The following KDM7A variants were observed in gnomAD, a reference collection of about 807,000 sequenced individuals.
The protein encoded by KDM7A is lysine demethylase 7A, also known as lysine-specific demethylase 7A.
A neutral mutation model predicts 114.8 loss-of-function variants in KDM7A; 28 were observed. That is an observed-to-expected ratio of 0.24 (90% CI 0.18 to 0.33). The LOEUF (loss-of-function observed/expected upper bound fraction) is 0.33, where lower values mean the gene tolerates loss of function less well. Among genes scored for constraint, KDM7A ranks in the 10% least tolerant of loss-of-function variants. The pLI is 1.00. For synonymous variants in KDM7A, 423 were observed against 397.8 expected, an observed-to-expected ratio of 1.06 and a Z score of -0.75; for missense variants, 942 against 1,142.5, an observed-to-expected ratio of 0.82 and a Z score of 2.53.
rs1794709429 is a variant in KDM7A, at chr7:140,176,445, C to T, written c.194+299G>A. Among the ~76,000 whole-genome samples the T allele has an allele frequency of 6.8e-6, 1 of 146,054 alleles. No homozygotes were observed. The highest frequency in any genetic ancestry group is 2.0e-4 in the East Asian group (1 of 4,972). ...GACGCCCCCGCCGCGCCCGCCCGGC[C>T]GCGTCCCCTCGCCCCAGGCTCCCCC... is the stretch of plus-strand genomic sequence containing the variant. On this transcript the variant is annotated intron_variant, in intron 1 of 19. Transcript: ENST00000397560. The surrounding 1 kb of genome is among the most constrained non-coding windows in gnomAD (Gnocchi z 4.4).
At chr7:140,131,453 T>C (rs1019418078) in intron 3 of KDM7A, among the ~76,000 whole-genome samples, 3 of 152,198 alleles carry the variant, frequency 2.0e-5, no homozygotes, top group African/African-American at 7.2e-5. Flanking sequence ...GCTGCCTAGG[T>C]AGCAAGAAGA....
chr7:140,086,126 G>A lies in KDM7A; in HGVS notation c.*4968C>T, dbSNP rs1817920429. On this transcript the variant is annotated 3_prime_UTR_variant, in exon 20 of 20. Coordinates refer to ENST00000397560, the MANE Select transcript of KDM7A (RefSeq NM_030647.2). ...ATTTATGACTACTTTCTGAAAGAAA[G>A]AGAAGTGAATTCAGAGTGTCACAGG... The A allele has an allele frequency of 1.3e-5, 2 of 152,194 alleles. No homozygotes were observed. The highest frequency in any genetic ancestry group is 2.4e-5 in the African/African-American group (1 of 41,444). 9.4% of individuals were successfully genotyped at this position (152,194 alleles called of 1,614,324 possible). A position where few individuals can be genotyped will look rare whatever the true frequency, so the allele number is the denominator to read the frequency against.
intron 18 of KDM7A, among the ~76,000 whole-genome samples, chr7:140,093,062 G>C (rs1252394072): frequency 6.6e-6 from 1 of 151,950 alleles, no homozygotes; most frequent in Non-Finnish European, 1.5e-5. Context: ...ATATAGACAA[G>C]CCAAATTTAA....
intron 6 of KDM7A, 35 bp downstream of exon 6, chr7:140,126,602 T>C (rs749817198): frequency 1.4e-6 from 2 of 1,403,226 alleles, no homozygotes; most frequent in Non-Finnish European, 9.7e-7. Context: ...TATATGTTTT[T>C]GTCAGTGAGA....
rs1271589760 is a variant in KDM7A, at chr7:140,090,867, CTT to C, written c.*225_*226del. 2 of 490,162 alleles carry C rather than the reference CTT, an allele frequency of 4.1e-6. No individual in the cohort carries two copies. The highest frequency in any genetic ancestry group is 7.3e-6 in the Non-Finnish European group (2 of 274,934). 30.4% of individuals were successfully genotyped at this position (490,162 alleles called of 1,614,324 possible). On this transcript the variant is annotated 3_prime_UTR_variant, in exon 20 of 20. Coordinates refer to ENST00000397560, the MANE Select transcript of KDM7A (RefSeq NM_030647.2). ...AGAGACCCTTTCCAGTTCAAGGTCT[CTT>C]TTTAAGGTTCTACCCTCCTTCTTCC...
Position 140,090,536 on chromosome 7 carries a change from A to C in KDM7A, c.*558T>G, listed in dbSNP as rs1419389326. On this transcript the variant is annotated 3_prime_UTR_variant, in exon 20 of 20. Coordinates refer to ENST00000397560, the MANE Select transcript of KDM7A (RefSeq NM_030647.2). ...TAATTTAAAATAATTAATGCATCAA[A>C]TCCCTGTTTAAGACTTTAACCTGAA... 6.6e-6 allele frequency: 1 copy of C among 152,176 alleles called. No homozygotes were observed. The highest frequency in any genetic ancestry group is 1.5e-5 in the Non-Finnish European group (1 of 68,048). 9.4% of individuals were successfully genotyped at this position (152,176 alleles called of 1,614,324 possible). A position where few individuals can be genotyped will look rare whatever the true frequency, so the allele number is the denominator to read the frequency against.
At chr7:140,174,524 G>A (rs192195765) in intron 1 of KDM7A, among the ~76,000 whole-genome samples, 5 of 152,292 alleles carry the variant, frequency 3.3e-5, no homozygotes, top group Admixed American at 3.3e-4. Flanking sequence ...AGTGTTAAGT[G>A]ACCTAAATTA....
intron 1 of KDM7A, among the ~76,000 whole-genome samples, chr7:140,164,199 G>A (rs746038607): frequency 5.9e-5 from 9 of 152,114 alleles, no homozygotes; most frequent in Non-Finnish European, 1.0e-4. Context: ...GGATGTAATC[G>A]GCAAAATCCA....
At chr7:140,119,006 G>A (rs975504016) in intron 9 of KDM7A, 107 bp downstream of exon 9, 12 of 601,910 alleles carry the variant, frequency 2.0e-5, no homozygotes, top group Non-Finnish European at 3.2e-5. Context: ...AAATAGGAGT[G>A]ACATCCATAC....
At position 140,111,128 on chromosome 7, in the gene KDM7A, A is replaced by T; in HGVS notation, c.1395T>A (p.Ile465=). Residue 465 remains isoleucine, a synonymous_variant, in exon 11 of 20, where the codon ATT becomes ATA. Coordinates refer to ENST00000397560, the MANE Select transcript of KDM7A (RefSeq NM_030647.2). The part of the protein sequence containing the change: ...IPDNVRPGHL[I]KELSKVIRAI... ...CTCGAATTACTTTAGAAAGTTCTTT[A>T]ATAAGGTGTCCAGGTCTAACATTGT... The T allele has an allele frequency of 6.2e-7, 1 of 1,604,790 alleles. No homozygotes were observed. Among genetic ancestry groups the T allele is most frequent in the Non-Finnish European group, 8.5e-7 (1 of 1,172,716 alleles).
At chr7:140,133,817 A>C (rs1314172647) in intron 2 of KDM7A, among the ~76,000 whole-genome samples, 161 bp from the exon 3 acceptor site, 1 of 152,222 alleles carries the variant, frequency 6.6e-6, no homozygotes, top group East Asian at 1.9e-4. Flanking sequence ...TGCTTAATGT[A>C]ATGCTGCAAT....
chr7:140,114,422 G>C (rs1242535153), intron 9 of KDM7A, among the ~76,000 whole-genome samples: 3 of 152,134 alleles, frequency 2.0e-5, no homozygotes, highest in Admixed American at 1.3e-4. Context: ...TGCCAGCCTT[G>C]GCCTCCCGAG....
chr7:140,146,873 C>T (rs1319707292), intron 1 of KDM7A, among the ~76,000 whole-genome samples: 4 of 152,232 alleles, frequency 2.6e-5, no homozygotes, highest in South Asian at 2.1e-4. Context: ...ATCAGCCAAA[C>T]GTTCTCTTTT....
intron 1 of KDM7A, among the ~76,000 whole-genome samples, chr7:140,163,640 T>C (rs1185948850): frequency 6.6e-6 from 1 of 152,140 alleles, no homozygotes; most frequent in Non-Finnish European, 1.5e-5. Context: ...TAATGACAGT[T>C]TATATGGTCA....
intron 1 of KDM7A, among the ~76,000 whole-genome samples, chr7:140,169,159 A>G (rs1435281855): frequency 6.6e-6 from 1 of 152,222 alleles, no homozygotes; most frequent in Non-Finnish European, 1.5e-5. Context: ...ACAAGTTACC[A>G]TTAACTCAAC....
intron 1 of KDM7A, among the ~76,000 whole-genome samples, chr7:140,140,932 G>T (rs1375141856): frequency 1.3e-5 from 2 of 151,906 alleles, no homozygotes; most frequent in African/African-American, 4.8e-5. Context: ...AAATGCAAAA[G>T]AATCTATAGA....
At chr7:140,151,039 C>T (rs1794394706) in intron 1 of KDM7A, among the ~76,000 whole-genome samples, 1 of 152,020 alleles carries the variant, frequency 6.6e-6, no homozygotes, top group Admixed American at 6.6e-5. Context: ...CCATGTTGGC[C>T]AGGCTGGTTT....
intron 1 of KDM7A, among the ~76,000 whole-genome samples, chr7:140,165,739 A>G (rs1794566892): frequency 6.6e-6 from 1 of 152,160 alleles, no homozygotes. Context: ...ATTTTACTTA[A>G]TAATGCCCCC....
chr7:140,090,709 CTTTAAAAAAAG>C lies in KDM7A; in HGVS notation c.*374_*384del. 5.8e-6 allele frequency: 1 copy of C among 171,256 alleles called. No homozygotes were observed. Among genetic ancestry groups the C allele is most frequent in the Non-Finnish European group, 1.2e-5 (1 of 80,918 alleles). The allele number at this position is 171,256 out of a possible 1,614,324, so 10.6% of individuals were successfully genotyped here. On this transcript the variant is annotated 3_prime_UTR_variant, in exon 20 of 20. Transcript: ENST00000397560. ...CTCCAGAAATCTTCCAAATAAATAG[CTTTAAAAAAAG>C]AATTTAAAAGCTGTTAACTTTAAAA...
Sources: allele counts gnomAD v4.1 joint callset (sites outside exome capture counted in the v4.1 genomes callset), GRCh38; gene constraint gnomAD v4.1.1; non-coding constraint Gnocchi (gnomAD v3.1); transcripts MANE v1.5; gene names NCBI Gene and HGNC (gene_info 2026-07-23, HGNC 2026-07-21).